Variants in CHRM3 observed in about 807,000 individuals in gnomAD.
CHRM3 encodes the protein muscarinic acetylcholine receptor M3.
Under a neutral mutation model 41.8 loss-of-function variants are expected in CHRM3, and 11 were observed. The observed-to-expected ratio is 0.26, with a 90% CI of 0.17 to 0.44. The LOEUF is 0.44. Among genes scored for constraint, CHRM3 ranks in the 20% least tolerant of loss-of-function variants. The probability of loss-of-function intolerance (pLI) is 1.00; values close to 1 mark genes in which losing one functional copy is unlikely to be tolerated. For missense variants in CHRM3, 571 were observed against 745.4 expected (o/e 0.77, Z 2.72); for synonymous variants, 297 against 301.4 (o/e 0.99, Z 0.15).
chr1:239,901,668 A>C (rs1349354797), intron 6 of CHRM3, among the ~76,000 whole-genome samples: 1 of 152,156 alleles, frequency 6.6e-6, no homozygotes, highest in Non-Finnish European at 1.5e-5. Context: ...AGATGGTTCT[A>C]AGTTAATATA....
intron 1 of CHRM3, among the ~76,000 whole-genome samples, chr1:239,449,517 T>C (rs1020528752): frequency 1.3e-5 from 2 of 152,116 alleles, no homozygotes; most frequent in African/African-American, 4.8e-5. Flanking sequence ...TAGAAAATGA[T>C]TTTTTATACT....
chr1:239,615,344 G>A (rs773900334), intron 3 of CHRM3, among the ~76,000 whole-genome samples: 5 of 152,128 alleles, frequency 3.3e-5, no homozygotes, highest in Non-Finnish European at 5.9e-5. Flanking sequence ...GTACTTCCAT[G>A]TAATCAGCTA....
intron 3 of CHRM3, among the ~76,000 whole-genome samples, chr1:239,564,779 T>A (rs1372079299): frequency 1.3e-5 from 2 of 152,202 alleles, no homozygotes; most frequent in Admixed American, 1.3e-4. Context: ...TCAGATAAGA[T>A]TCTCCTTGAT....
intron 1 of CHRM3, among the ~76,000 whole-genome samples, chr1:239,459,198 G>C (rs1032447410): frequency 6.6e-6 from 1 of 151,954 alleles, no homozygotes; most frequent in Non-Finnish European, 1.5e-5. Flanking sequence ...TGAATCTGGA[G>C]TCCTTTTTGT....
intron 6 of CHRM3, among the ~76,000 whole-genome samples, chr1:239,834,359 C>A (rs1314046847): frequency 7.1e-6 from 1 of 141,068 alleles, no homozygotes; most frequent in Non-Finnish European, 1.5e-5. Flanking sequence ...GTCCCCCAGG[C>A]TGGAGTGCGA....
At chr1:239,565,188 T>C (rs1661236634) in intron 3 of CHRM3, among the ~76,000 whole-genome samples, 1 of 152,208 alleles carries the variant, frequency 6.6e-6, no homozygotes, top group Non-Finnish European at 1.5e-5. Context: ...GATCCTTAGT[T>C]AATTACATCT....
At chr1:239,783,957 A>C (rs1322717097) in intron 5 of CHRM3, among the ~76,000 whole-genome samples, 1 of 152,170 alleles carries the variant, frequency 6.6e-6, no homozygotes, top group Non-Finnish European at 1.5e-5. Flanking sequence ...GAGAACGTGC[A>C]GTATTTGGTA....
chr1:239,796,814 C>T (rs1349595391), intron 5 of CHRM3, among the ~76,000 whole-genome samples: 1 of 151,978 alleles, frequency 6.6e-6, no homozygotes, highest in African/African-American at 2.4e-5. Flanking sequence ...TACATTGTAC[C>T]CAGTGGGTAG....
At chr1:239,770,137 A>G (rs1392736683) in intron 5 of CHRM3, among the ~76,000 whole-genome samples, 1 of 152,194 alleles carries the variant, frequency 6.6e-6, no homozygotes. Flanking sequence ...CAGTGCTTGG[A>G]GAGTACAGCC....
At chr1:239,404,754 A>ATG (rs1553293701) in intron 1 of CHRM3, among the ~76,000 whole-genome samples, 2 of 138,744 alleles carry the variant, frequency 1.4e-5, no homozygotes, top group African/African-American at 5.1e-5. Context: ...ATATATATAT[A>ATG]TATGGAAAAT....
intron 5 of CHRM3, among the ~76,000 whole-genome samples, chr1:239,767,598 T>C (rs1400479391): frequency 6.6e-6 from 1 of 152,210 alleles, no homozygotes; most frequent in East Asian, 1.9e-4. Flanking sequence ...AATCAATGAC[T>C]ATAATTATAT....
intron 5 of CHRM3, among the ~76,000 whole-genome samples, chr1:239,697,061 A>C (rs1255722231): frequency 6.6e-6 from 1 of 152,204 alleles, no homozygotes; most frequent in Non-Finnish European, 1.5e-5. Flanking sequence ...CTGGCCCCTC[A>C]AAATCTCCCA....
At chr1:239,871,421 T>C (rs930032115) in intron 6 of CHRM3, among the ~76,000 whole-genome samples, 2 of 152,088 alleles carry the variant, frequency 1.3e-5, no homozygotes, top group South Asian at 4.1e-4. Context: ...TTTGTATTTT[T>C]AGTAGAGACG....
chr1:239,410,657 C>T (rs796581294), intron 1 of CHRM3, among the ~76,000 whole-genome samples: 22 of 152,260 alleles, frequency 1.4e-4, no homozygotes, highest in African/African-American at 4.8e-4. Flanking sequence ...GGTTCTGCCC[C>T]GTGCCTTTGG....
intron 1 of CHRM3, among the ~76,000 whole-genome samples, chr1:239,408,521 C>CAAAAAAA (rs371319364): frequency 1.6e-5 from 1 of 61,266 alleles, no homozygotes; most frequent in Non-Finnish European, 3.3e-5. Context: ...GAGACTCCGT[C>CAAAAAAA]AAAAAAAAAA....
chr1:239,890,932 A>T (rs1173531044), intron 6 of CHRM3, among the ~76,000 whole-genome samples: 1 of 152,126 alleles, frequency 6.6e-6, no homozygotes, highest in East Asian at 1.9e-4. Context: ...ACAGATAGGG[A>T]CTTCATTACA....
At chr1:239,597,121 C>T (rs1035138162) in intron 3 of CHRM3, among the ~76,000 whole-genome samples, 12 of 152,084 alleles carry the variant, frequency 7.9e-5, no homozygotes, top group African/African-American at 2.9e-4. Flanking sequence ...TGTTACAATT[C>T]ACTTCAACTT....
rs144755930 is a variant in CHRM3 at position 239,831,934 on chromosome 1, G to A, written c.-20+4556G>A. On this transcript the variant is annotated intron_variant, in intron 6 of 6. Transcript: ENST00000676153. ...AAGCATCCTTCCCCAAAGGCAAACA[G>A]CCATTACCATGCTTTATGTGATGTG... is the stretch of plus-strand genomic sequence containing the variant. Among the ~76,000 whole-genome samples the A allele has an allele frequency of 4.8e-3, 734 of 152,310 alleles. 8 individuals are homozygous for A. Among genetic ancestry groups the A allele is most frequent in the African/African-American group, 0.016 (655 of 41,570 alleles).
At chr1:239,867,676 ACT>A (rs1307027270) in intron 6 of CHRM3, among the ~76,000 whole-genome samples, 3 of 105,242 alleles carry the variant, frequency 2.9e-5, no homozygotes, top group East Asian at 7.3e-4. Flanking sequence ...ACAGAGTGAG[ACT>A]CTGTCTCAAA....
Sources: allele counts gnomAD v4.1 joint callset (sites outside exome capture counted in the v4.1 genomes callset), GRCh38; gene constraint gnomAD v4.1.1; transcripts MANE v1.5; gene names NCBI Gene and HGNC (gene_info 2026-07-23, HGNC 2026-07-21).